KCNH7: variants seen among roughly 807,000 people sequenced by gnomAD.
The protein encoded by KCNH7 is potassium voltage-gated channel subfamily H member 7, also known as voltage-gated inwardly rectifying potassium channel KCNH7.
KCNH7 carries 49 observed loss-of-function variants against 120.8 expected under a neutral mutation model. That is an observed-to-expected ratio of 0.41 (90% confidence interval 0.32 to 0.51). The LOEUF (loss-of-function observed/expected upper bound fraction) is 0.51, where lower values mean the gene tolerates loss of function less well. Among genes scored for constraint, KCNH7 ranks in the 20% least tolerant of loss-of-function variants. KCNH7 has a pLI of 0.38. For missense variants in KCNH7, 1,097 were observed against 1,446.6 expected, an observed-to-expected ratio of 0.76 and a Z score of 3.92; for synonymous variants, 547 against 516.1, an observed-to-expected ratio of 1.06 and a Z score of -0.81.
intron 2 of KCNH7, among the ~76,000 whole-genome samples, chr2:162,602,224 G>A (rs1021684072): frequency 2.6e-5 from 4 of 152,024 alleles, no homozygotes; most frequent in Non-Finnish European, 4.4e-5. Flanking sequence ...GGTGTCTCCC[G>A]AGTGAGAGCC....
chr2:162,396,696 TA>T, intron 11 of KCNH7, 43 bp downstream of exon 11: 1 of 1,392,246 alleles, frequency 7.2e-7, no homozygotes. Context: ...AAGAATAAAA[TA>T]AAATGTCAGA....
chr2:162,623,632 T>C (rs1012802288), intron 2 of KCNH7, among the ~76,000 whole-genome samples: 1 of 152,158 alleles, frequency 6.6e-6, no homozygotes, highest in Non-Finnish European at 1.5e-5. Flanking sequence ...AGCCCACCTA[T>C]GTGAATGAAT....
rs1345322679 is a variant in KCNH7 at position 162,513,900 on chromosome 2, C to T, written c.893-1226G>A. Among the ~76,000 whole-genome samples, 5 of 151,630 alleles carry T rather than the reference C, an allele frequency of 3.3e-5. No individual in the cohort carries two copies. The East Asian group carries it at 9.8e-4, about 30-fold the overall frequency. ...AATTTTATTTGTAATAAAATGGGCTCTTTTAAAATCTAAGTTAAATATTTT... is the reference window on the plus strand; with the variant it reads ...AATTTTATTTGTAATAAAATGGGCTTTTTTAAAATCTAAGTTAAATATTTT... On this transcript the variant is annotated intron_variant, in intron 4 of 15. Transcript: ENST00000332142.
chr2:162,682,806 G>A (rs10210188), intron 2 of KCNH7, among the ~76,000 whole-genome samples: 1,726 of 151,846 alleles, frequency 0.011, 31 homozygotes, highest in African/African-American at 0.039. Flanking sequence ...ATCTGTATTT[G>A]TAATGGTCAA....
intron 2 of KCNH7, among the ~76,000 whole-genome samples, chr2:162,820,287 G>T (rs1573929012): frequency 1.3e-5 from 2 of 148,486 alleles, no homozygotes; most frequent in East Asian, 4.0e-4. Context: ...GTGTTAGCCA[G>T]GATGGTCTCC....
At chr2:162,833,903 T>C (rs1685562303) in intron 2 of KCNH7, among the ~76,000 whole-genome samples, 2 of 152,284 alleles carry the variant, frequency 1.3e-5, no homozygotes, top group South Asian at 4.1e-4. Context: ...TGTTAATTTG[T>C]TCATTGGGCT....
intron 6 of KCNH7, among the ~76,000 whole-genome samples, chr2:162,456,350 T>C (rs528805152): frequency 1.4e-5 from 2 of 147,868 alleles, no homozygotes; most frequent in East Asian, 1.9e-4. Flanking sequence ...ATTTATACAT[T>C]ATACAAATTA....
At chr2:162,701,284 A>G (rs991907160) in intron 2 of KCNH7, among the ~76,000 whole-genome samples, 1 of 152,180 alleles carries the variant, frequency 6.6e-6, no homozygotes, top group African/African-American at 2.4e-5. Context: ...CATGCATAAT[A>G]AAAAGTTTGC....
intron 6 of KCNH7, among the ~76,000 whole-genome samples, chr2:162,451,146 A>T (rs535809457): frequency 2.4e-4 from 36 of 152,028 alleles, no homozygotes; most frequent in African/African-American, 6.0e-4. Flanking sequence ...TTCTTTTTTT[A>T]AAAAAATTGT....
rs1461546359 is a variant in KCNH7 at position 162,396,596 on chromosome 2, A to T, written c.2613+144T>A. The stretch of plus-strand genomic sequence containing the variant: ...TTTCCTATAATTCAGAAATTTTAAT[A>T]TTCAGTTGGCCTTTCCTTCCAAATA... On this transcript the variant is annotated intron_variant, in intron 11 of 15. Coordinates refer to ENST00000332142, the MANE Select transcript of KCNH7 (RefSeq NM_033272.4). 4.9e-6 allele frequency: 3 copies of T among 615,944 alleles called. No individual in the cohort carries two copies. The African/African-American group carries it at 5.6e-5, about 12-fold the overall frequency. The allele number at this position is 615,944 out of a possible 1,614,324, so 38.2% of individuals were successfully genotyped here.
At chr2:162,642,012 C>T (rs1458163063) in intron 2 of KCNH7, among the ~76,000 whole-genome samples, 1 of 152,110 alleles carries the variant, frequency 6.6e-6, no homozygotes, top group Non-Finnish European at 1.5e-5. Context: ...CATAAAGAAG[C>T]AGGACAACGA....
At chr2:162,393,965 C>A (rs575444381) in intron 12 of KCNH7, among the ~76,000 whole-genome samples, 3 of 151,956 alleles carry the variant, frequency 2.0e-5, no homozygotes, top group African/African-American at 7.2e-5. Flanking sequence ...CTGGAGAAAA[C>A]AAGAAGTGAC....
intron 2 of KCNH7, among the ~76,000 whole-genome samples, chr2:162,693,107 T>A (rs1283674462): frequency 6.6e-6 from 1 of 152,148 alleles, no homozygotes; most frequent in Non-Finnish European, 1.5e-5. Context: ...AAAAAGAAGA[T>A]GTTTTGGGAG....
chr2:162,621,221 T>C (rs1683343313), intron 2 of KCNH7, among the ~76,000 whole-genome samples: 1 of 150,966 alleles, frequency 6.6e-6, no homozygotes, highest in Non-Finnish European at 1.5e-5. Flanking sequence ...TTGTTTGTTT[T>C]TCCTCTGCTT....
In KCNH7 at chr2:162,838,471, C is replaced by A; in HGVS notation, c.48G>T (p.Gly16=). 1 of 1,613,796 alleles carries A rather than the reference C, an allele frequency of 6.2e-7. No homozygotes were observed. The highest frequency in any genetic ancestry group is 8.5e-7 in the Non-Finnish European group (1 of 1,179,894). ...GHVAPQNTFL[G]TIIRKFEGQN... Reference sequence around the variant, plus strand: ...GCCCTTCAAATTTCCGAATGATGGTCCCCAGAAATGTATTTTGTGGTGCCA... The same window carrying A: ...GCCCTTCAAATTTCCGAATGATGGTACCCAGAAATGTATTTTGTGGTGCCA... The change falls in exon 1 of 16, where the codon GGG becomes GGT. Residue 16 remains glycine, a synonymous_variant. Coordinates refer to ENST00000332142, the MANE Select transcript of KCNH7 (RefSeq NM_033272.4).
At chr2:162,596,655 T>C (rs1694390563) in intron 2 of KCNH7, among the ~76,000 whole-genome samples, 2 of 151,952 alleles carry the variant, frequency 1.3e-5, no homozygotes, top group African/African-American at 4.8e-5. Context: ...CAATAATCTC[T>C]TACATAAGAC....
Position 162,379,855 on chromosome 2 carries a change from G to C in KCNH7, c.3129C>G (p.Asn1043Lys). The change falls in exon 14 of 16, where the codon AAC (asparagine) becomes AAG (lysine). Residue 1043 changes from asparagine (N) to lysine (K), a missense_variant and splice_region_variant. Physicochemically the swap from Asn to Lys is moderately conservative, Grantham distance 94 (BLOSUM62 0). This residue lies in a region of KCNH7 where 406 missense variants were observed against 410.5 expected (regional missense o/e 0.99). Transcript: ENST00000332142. Reference protein sequence around the residue: ...QRLDLLQEQLNRLESQMTTDI... With the variant: ...QRLDLLQEQLKRLESQMTTDI... ...CTTTTGCCCATCACTGCTTATACCT[G>C]TTAAGTTGCTCCTGGAGCAGATCTA... 6.2e-7 allele frequency: 1 copy of C among 1,613,914 alleles called. No individual in the cohort carries two copies. The highest frequency in any genetic ancestry group is 1.1e-5 in the South Asian group (1 of 91,078).
intron 6 of KCNH7, among the ~76,000 whole-genome samples, chr2:162,449,167 G>A (rs1468579952): frequency 6.6e-6 from 1 of 151,942 alleles, no homozygotes; most frequent in South Asian, 2.1e-4. Flanking sequence ...GGTAGAGGAC[G>A]GCCATGGAGA....
intron 2 of KCNH7, among the ~76,000 whole-genome samples, chr2:162,660,648 A>G (rs1318698620): frequency 6.6e-6 from 1 of 152,182 alleles, no homozygotes; most frequent in Non-Finnish European, 1.5e-5. Flanking sequence ...GTTGATTTCA[A>G]CTATACCATT....
Sources: gnomAD v4.1 joint callset for allele counts (sites outside exome capture counted in the v4.1 genomes callset) on GRCh38, gnomAD v4.1.1 for gene constraint, gnomAD v4.1.1 regional missense constraint, MANE v1.5 for transcripts, NCBI Gene and HGNC (gene_info 2026-07-23, HGNC 2026-07-21) for gene names.